DNAAF9: variants seen among roughly 807,000 people sequenced by gnomAD.
The protein encoded by DNAAF9 is shulin.
Under a neutral mutation model 167.0 loss-of-function variants are expected in DNAAF9, and 90 were observed. The observed-to-expected ratio is 0.54, with a 90% CI of 0.45 to 0.64. DNAAF9 has a LOEUF of 0.64. Among genes scored for constraint, DNAAF9 ranks in the 30% least tolerant of loss-of-function variants. DNAAF9 has a pLI of 0.00. For synonymous variants in DNAAF9, 491 were observed against 508.8 expected (o/e 0.96, Z 0.47); for missense variants, 1,315 against 1,442.2 (o/e 0.91, Z 1.43).
At chr20:3,299,136 C>T (rs368444255) in intron 21 of DNAAF9, among the ~76,000 whole-genome samples, 2 of 151,650 alleles carry the variant, frequency 1.3e-5, no homozygotes, top group African/African-American at 2.4e-5. Context: ...CTCGAACTCC[C>T]GACCTCATAA....
intron 7 of DNAAF9, among the ~76,000 whole-genome samples, chr20:3,349,794 G>T (rs1418933801): frequency 6.6e-6 from 1 of 152,144 alleles, no homozygotes; most frequent in African/African-American, 2.4e-5. Flanking sequence ...ACTTGCTTAA[G>T]ATACTCCTCA....
At chr20:3,352,006 G>A (rs1277327055) in intron 7 of DNAAF9, among the ~76,000 whole-genome samples, 1 of 151,876 alleles carries the variant, frequency 6.6e-6, no homozygotes, top group African/African-American at 2.4e-5. Flanking sequence ...TGATCTGTCC[G>A]CCTTGGCCTC....
intron 21 of DNAAF9, among the ~76,000 whole-genome samples, chr20:3,304,198 T>C (rs1348238884): frequency 6.6e-6 from 1 of 152,166 alleles, no homozygotes; most frequent in African/African-American, 2.4e-5. Context: ...TGCTGGCCCT[T>C]CTGACCAGAA....
At position 3,286,259 on chromosome 20, in the gene DNAAF9, A is replaced by T. The variant is rs76503439; in HGVS notation, c.2486+1373T>A. On this transcript the variant is annotated intron_variant, in intron 27 of 36. Coordinates refer to ENST00000252032, the MANE Select transcript of DNAAF9 (RefSeq NM_001009984.3). ...CCCCATATCCTGGGGCTGTGATGGG[A>T]CAAAGGCTGGGTTTACAGTATAAGA... Among the ~76,000 whole-genome samples the T allele has an allele frequency of 8.5e-5, 13 of 152,300 alleles. No individual in the cohort carries two copies. In the East Asian group the frequency reaches 2.5e-3, roughly 29 times the overall value.
At chr20:3,281,017 C>T (rs1207644407) in intron 28 of DNAAF9, among the ~76,000 whole-genome samples, 6 of 151,944 alleles carry the variant, frequency 3.9e-5, no homozygotes, top group African/African-American at 9.7e-5. Flanking sequence ...AGTCCTTTTA[C>T]GCCTTATTAA....
chr20:3,362,232 G>A, intron 6 of DNAAF9: 1 of 1,399,926 alleles, frequency 7.1e-7, no homozygotes, highest in Non-Finnish European at 1.0e-6. Flanking sequence ...AGCTAACTGT[G>A]TCATCTCCTA....
At chr20:3,307,780 C>G (rs1264168371) in intron 20 of DNAAF9, among the ~76,000 whole-genome samples, 2 of 151,916 alleles carry the variant, frequency 1.3e-5, no homozygotes, top group African/African-American at 4.8e-5. Flanking sequence ...ACCAAAATAC[C>G]AAGCAAATGC....
At chr20:3,344,639 AC>A (rs1555794339) in intron 8 of DNAAF9, among the ~76,000 whole-genome samples, 1 of 129,860 alleles carries the variant, frequency 7.7e-6, no homozygotes, top group Admixed American at 7.4e-5. Context: ...ACACACACAC[AC>A]CTCATGTAGT....
intron 12 of DNAAF9, 149 bp downstream of exon 12, chr20:3,330,497 T>C (rs946103462): frequency 1.3e-5 from 8 of 607,780 alleles, no homozygotes; most frequent in Non-Finnish European, 2.1e-5. Context: ...CCACCTCAGC[T>C]TCCGAAAATG....
At chr20:3,295,935 CT>C in intron 23 of DNAAF9, 1 of 1,576,358 alleles carries the variant, frequency 6.3e-7, no homozygotes, top group Non-Finnish European at 8.7e-7. Context: ...CATATTTCCC[CT>C]GTCTCTGTGA....
In DNAAF9 at chr20:3,379,176, T is replaced by G. The variant is rs116263722; in HGVS notation, c.283+2203A>C. 3.0e-4 allele frequency among the ~76,000 whole-genome samples: 45 copies of G among 152,014 alleles called. 1 individual carries two copies. The highest frequency in any genetic ancestry group is 5.7e-4 in the Non-Finnish European group (39 of 67,902). On this transcript the variant is annotated intron_variant, in intron 3 of 36. Coordinates refer to ENST00000252032, the MANE Select transcript of DNAAF9 (RefSeq NM_001009984.3). ...TTAGGATCCCGTAAGAGACATAACA[T>G]AGTAGTTACTAAACCTAAAGTAAGC...
chr20:3,336,376 T>C (rs1403661035), intron 10 of DNAAF9, among the ~76,000 whole-genome samples: 2 of 151,204 alleles, frequency 1.3e-5, no homozygotes, highest in Non-Finnish European at 2.9e-5. Flanking sequence ...TATTTGGATT[T>C]TTTGTGAGAG....
chr20:3,331,421 C>T (rs893562193), intron 11 of DNAAF9, among the ~76,000 whole-genome samples: 7 of 152,166 alleles, frequency 4.6e-5, no homozygotes, highest in Non-Finnish European at 1.0e-4. Context: ...ACGTACTCTC[C>T]TCTGTGTAGC....
chr20:3,384,863 C>T (rs376557981), intron 1 of DNAAF9, among the ~76,000 whole-genome samples: 40 of 151,946 alleles, frequency 2.6e-4, no homozygotes, highest in African/African-American at 9.6e-4. Context: ...ATCACACAAC[C>T]AAAAAACTGA....
At chr20:3,348,816 G>A (rs1714653944) in intron 7 of DNAAF9, among the ~76,000 whole-genome samples, 193 bp from the exon 8 acceptor site, 1 of 152,104 alleles carries the variant, frequency 6.6e-6, no homozygotes, top group African/African-American at 2.4e-5. Context: ...AAATGAAAAA[G>A]CTGGATGTAG....
intron 33 of DNAAF9, among the ~76,000 whole-genome samples, chr20:3,256,720 G>C (rs563191882): frequency 6.6e-6 from 1 of 152,224 alleles, no homozygotes; most frequent in Non-Finnish European, 1.5e-5. Flanking sequence ...CTAAGACCCT[G>C]AGCGTGAGAC....
intron 6 of DNAAF9, among the ~76,000 whole-genome samples, chr20:3,373,789 C>T (rs1176884970): frequency 1.3e-5 from 2 of 152,094 alleles, no homozygotes; most frequent in Non-Finnish European, 2.9e-5. Flanking sequence ...CAGGAGCAGA[C>T]AGGAAGAACA....
intron 20 of DNAAF9, among the ~76,000 whole-genome samples, chr20:3,313,294 A>G (rs1432685807): frequency 1.3e-5 from 2 of 152,224 alleles, no homozygotes; most frequent in East Asian, 3.8e-4. Context: ...GCAGGGACAG[A>G]TGTGTTAACA....
intron 1 of DNAAF9, among the ~76,000 whole-genome samples, chr20:3,393,900 T>C (rs1163296635): frequency 6.6e-6 from 1 of 152,262 alleles, no homozygotes; most frequent in East Asian, 1.9e-4. Flanking sequence ...CAACTCACAC[T>C]TCCCTAATTA....
Sources: gnomAD v4.1 joint callset for allele counts (sites outside exome capture counted in the v4.1 genomes callset) on GRCh38, gnomAD v4.1.1 for gene constraint, MANE v1.5 for transcripts, NCBI Gene and HGNC (gene_info 2026-07-23, HGNC 2026-07-21) for gene names.